The following RLN2 variants were observed in gnomAD, a reference collection of about 807,000 sequenced individuals.
The protein encoded by RLN2 is relaxin 2.
RLN2 carries 10 observed loss-of-function variants against 7.3 expected under a neutral mutation model. The observed-to-expected ratio is 1.36, with a 90% CI of 0.84 to 2.31. RLN2 has a LOEUF of 2.31. Among genes scored for constraint, RLN2 ranks in the 30% most tolerant of loss-of-function variants. RLN2 has a pLI of 0.00. For missense variants in RLN2, 298 were observed against 217.6 expected, an observed-to-expected ratio of 1.37 and a Z score of -2.32; for synonymous variants, 103 against 82.3, an observed-to-expected ratio of 1.25 and a Z score of -1.36.
chr9:5,320,529 C>T, the RLN2 span, among the ~76,000 whole-genome samples: 2 of 150,676 alleles, frequency 1.3e-5, no homozygotes, highest in African/African-American at 2.4e-5. Context: ...TACCACCACA[C>T]GCGGCTACGT....
the RLN2 span, chr9:5,335,637 C>T: frequency 7.5e-7 from 1 of 1,332,884 alleles, no homozygotes; most frequent in South Asian, 1.3e-5. Flanking sequence ...AAGGCGTATT[C>T]ACGTCAAAGA....
At chr9:5,302,189 G>A (rs1816161942) in intron 1 of RLN2, among the ~76,000 whole-genome samples, 2 of 152,204 alleles carry the variant, frequency 1.3e-5, no homozygotes, top group South Asian at 4.1e-4. Context: ...TTTTAAACCT[G>A]TTTTGAAATA....
the RLN2 span, among the ~76,000 whole-genome samples, chr9:5,319,563 C>T: frequency 2.0e-5 from 3 of 151,868 alleles, no homozygotes; most frequent in Non-Finnish European, 4.4e-5. Flanking sequence ...AGCTGACAAA[C>T]TTTTACTAGG....
In RLN2 at chr9:5,304,410, C is replaced by T. The variant is rs371566355; in HGVS notation, c.171G>A (p.Leu57=). ...GTGTCTGAGGAGCATCTTCCTGGCTCAGAGACCTTTTGCTCCAGGTGCTCA... is the reference window on the plus strand; with the variant it reads ...GTGTCTGAGGAGCATCTTCCTGGCTTAGAGACCTTTTGCTCCAGGTGCTCA... ...CGMSTWSKRS[L]SQEDAPQTPR... is the part of the protein sequence containing the mutation. Residue 57 remains leucine (L), a synonymous_variant, in exon 1 of 2, where the codon CTG becomes CTA. Coordinates refer to ENST00000381627, the MANE Select transcript of RLN2 (RefSeq NM_134441.3). The T allele has an allele frequency of 1.2e-6, 2 of 1,610,186 alleles. No homozygotes were observed. The highest frequency in any genetic ancestry group is 8.5e-7 in the Non-Finnish European group (1 of 1,178,808).
At chr9:5,310,034 G>A in the RLN2 span, among the ~76,000 whole-genome samples, 2 of 151,984 alleles carry the variant, frequency 1.3e-5, no homozygotes, top group East Asian at 3.9e-4. Context: ...CTTTGAGGAG[G>A]GGGAGTGGAG....
At chr9:5,305,359 C>CAA (rs1456945953), upstream of RLN2, among the ~76,000 whole-genome samples, 2 of 121,828 alleles carry the variant, frequency 1.6e-5, no homozygotes, top group South Asian at 6.0e-4. Context: ...GGAGAACATA[C>CAA]CACACACACA....
the RLN2 span, among the ~76,000 whole-genome samples, chr9:5,327,408 A>G: frequency 2.0e-5 from 3 of 151,990 alleles, no homozygotes; most frequent in Non-Finnish European, 4.4e-5. Flanking sequence ...GGAAGCACAA[A>G]CTGGGTGGAG....
At chr9:5,335,385 C>A in the RLN2 span, 5 of 1,613,514 alleles carry the variant, frequency 3.1e-6, no homozygotes, top group African/African-American at 5.3e-5. Context: ...GGATTGCTGT[C>A]TGCGGCTTCA....
At chr9:5,311,649 C>A in the RLN2 span, 3 of 1,332,952 alleles carry the variant, frequency 2.3e-6, no homozygotes, top group Non-Finnish European at 2.1e-6. Context: ...GGGAATAACC[C>A]TGCAGAAAAT....
chr9:5,329,352 C>T, the RLN2 span, among the ~76,000 whole-genome samples: 1 of 136,142 alleles, frequency 7.3e-6, no homozygotes, highest in African/African-American at 2.7e-5. Context: ...CATCAATTAA[C>T]AGGCAAAATA....
the RLN2 span, among the ~76,000 whole-genome samples, chr9:5,320,769 T>G: frequency 6.6e-6 from 1 of 152,152 alleles, no homozygotes; most frequent in Non-Finnish European, 1.5e-5. Context: ...TTAAAAATAC[T>G]AAATAAAGAC....
chr9:5,320,148 G>T, the RLN2 span, among the ~76,000 whole-genome samples: 1 of 151,548 alleles, frequency 6.6e-6, no homozygotes, highest in Non-Finnish European at 1.5e-5. Flanking sequence ...ACCACATCTG[G>T]CTAATTTTTG....
the RLN2 span, among the ~76,000 whole-genome samples, chr9:5,318,007 C>CGCGTGTGTGTGT: frequency 6.1e-5 from 9 of 147,948 alleles, no homozygotes; most frequent in Non-Finnish European, 1.3e-4. Flanking sequence ...TGTGTGTGTG[C>CGCGTGTGTGTGT]GTGTGTGTGT....
the RLN2 span, chr9:5,339,259 T>G: frequency 3.5e-6 from 1 of 286,316 alleles, no homozygotes; most frequent in Non-Finnish European, 6.0e-6. Context: ...CTGACTGCCT[T>G]ACGGAAAGGG....
intron 1 of RLN2, 72 bp from the exon 2 acceptor site, chr9:5,300,516 T>TTCATA: frequency 1.0e-6 from 1 of 1,001,846 alleles, no homozygotes; most frequent in Non-Finnish European, 1.5e-6. Flanking sequence ...AAACTATGAA[T>TTCATA]GTTTGCATAG....
Position 5,300,124 on chromosome 9 carries a change from T to C in RLN2, c.532A>G (p.Lys178Glu). The change falls in exon 2 of 2, where the codon AAA (lysine) becomes GAA (glutamate). Residue 178 changes from lysine to glutamate, a missense_variant. Physicochemically the swap from Lys to Glu is moderately conservative, Grantham distance 56 (BLOSUM62 1). Coordinates refer to ENST00000381627, the MANE Select transcript of RLN2 (RefSeq NM_134441.3). Reference protein sequence around the residue: ...ANKCCHVGCTKRSLARFC With the variant: ...ANKCCHVGCTERSLARFC ...CAGCAAAATCTAGCAAGAGATCTTT[T>C]GGTACAACCAACATGGCAACATTTA... is the stretch of plus-strand genomic sequence containing the variant. The C allele has an allele frequency of 1.3e-6, 2 of 1,598,778 alleles. No homozygotes were observed. The highest frequency in any genetic ancestry group is 1.7e-6 in the Non-Finnish European group (2 of 1,174,800).
At chr9:5,338,215 G>A in the RLN2 span, among the ~76,000 whole-genome samples, 1 of 86,732 alleles carries the variant, frequency 1.2e-5, no homozygotes, top group Admixed American at 1.3e-4. Context: ...GTCAGAAAAT[G>A]TGGAATAATA....
At chr9:5,330,793 A>G in the RLN2 span, among the ~76,000 whole-genome samples, 1 of 151,206 alleles carries the variant, frequency 6.6e-6, no homozygotes, top group African/African-American at 2.4e-5. Flanking sequence ...CCTTCAAAAC[A>G]TCAATGAATC....
chr9:5,326,385 C>T, the RLN2 span, among the ~76,000 whole-genome samples: 2 of 152,040 alleles, frequency 1.3e-5, no homozygotes, highest in African/African-American at 2.4e-5. Context: ...GTGGTACTGC[C>T]TAAAAGGATC....
Sources: allele counts gnomAD v4.1 joint callset (sites outside exome capture counted in the v4.1 genomes callset), GRCh38; gene constraint gnomAD v4.1.1; transcripts MANE v1.5; gene names NCBI Gene and HGNC (gene_info 2026-07-23, HGNC 2026-07-21).